Variants in CCNI observed in about 807,000 individuals in gnomAD.
CCNI encodes cyclin I, also known as cyclin-I.
A neutral mutation model predicts 34.1 loss-of-function variants in CCNI; 14 were observed. That is an observed-to-expected ratio of 0.41 (90% confidence interval 0.27 to 0.64). The LOEUF (loss-of-function observed/expected upper bound fraction) is 0.64, where lower values mean the gene tolerates loss of function less well. CCNI is among the 30% of genes least tolerant of loss of function. The pLI, the probability that CCNI is intolerant of heterozygous loss-of-function variation, is 0.31. For synonymous variants in CCNI, 154 were observed against 158.4 expected (o/e 0.97, Z 0.21); for missense variants, 385 against 440.5 (o/e 0.87, Z 1.13).
At chr4:77,069,775 A>C (rs1729324854) in intron 1 of CCNI, among the ~76,000 whole-genome samples, 1 of 150,946 alleles carries the variant, frequency 6.6e-6, no homozygotes, top group South Asian at 2.1e-4. Flanking sequence ...CTCTACCCCC[A>C]CCTGTACCAA....
chr4:77,057,593 C>G (rs534922482), intron 3 of CCNI, among the ~76,000 whole-genome samples: 2 of 152,280 alleles, frequency 1.3e-5, no homozygotes, highest in East Asian at 3.9e-4. Context: ...CTTTTTCATG[C>G]CTTGCCATTA....
rs1727539947 is a variant in CCNI, at chr4:77,047,965, CAA to C, written c.*252_*253del. ...GAAAAAAAGTGCAACTGACATACTA[CAA>C]AGAGATTTTTTAAGTTTAAAAAAAG... On this transcript the variant is annotated 3_prime_UTR_variant, in exon 7 of 7. Coordinates refer to ENST00000237654, the MANE Select transcript of CCNI (RefSeq NM_006835.3). 3.0e-6 allele frequency: 1 copy of C among 336,262 alleles called. No homozygotes were observed. Among genetic ancestry groups the C allele is most frequent in the African/African-American group, 2.1e-5 (1 of 46,960 alleles). The allele number at this position is 336,262 out of a possible 1,614,324, so 20.8% of individuals were successfully genotyped here.
At chr4:77,057,039 AAAT>A (rs1454847103) in intron 3 of CCNI, among the ~76,000 whole-genome samples, 2 of 152,358 alleles carry the variant, frequency 1.3e-5, no homozygotes, top group African/African-American at 2.4e-5. Flanking sequence ...AGTTTTTAAT[AAAT>A]AATATTCCCA....
Position 77,066,678 on chromosome 4 carries a change from A to C in CCNI, c.-43-273T>G, listed in dbSNP as rs554533150. 3.0e-4 allele frequency among the ~76,000 whole-genome samples: 46 copies of C among 152,356 alleles called. No individual in the cohort carries two copies. In the South Asian group the frequency reaches 7.9e-3, roughly 26 times the overall value. On this transcript the variant is annotated intron_variant, in intron 1 of 6. Transcript: ENST00000237654. ...GATCAAAACATGTTATTACTGTTTC[A>C]AATTGTCAAAACTTTGTCACTGGCT...
chr4:77,054,788 T>G lies in CCNI; in HGVS notation c.690+362A>C, dbSNP rs551985337. On this transcript the variant is annotated intron_variant, in intron 6 of 6. Transcript: ENST00000237654. The stretch of plus-strand genomic sequence containing the variant: ...AAAAGCAACTTATTCTAATTTTTGT[T>G]CCTGACATCCGTTATAAAATGAGTG... 6.2e-4 allele frequency among the ~76,000 whole-genome samples: 94 copies of G among 152,298 alleles called. 2 individuals carry two copies. Among genetic ancestry groups the G allele is most frequent in the Middle Eastern group, 3.4e-3 (1 of 294 alleles).
rs1354833136 is a variant in CCNI, at chr4:77,055,175, G to A, written c.665C>T (p.Thr222Ile). ...EKLIPDWLSLTIELLQKAQMD... is the reference protein window; with the variant it reads ...EKLIPDWLSLIIELLQKAQMD... ...CTGTGCTTTCTGAAGCAGTTCAATTGTAAGAGAAAGCCAATCAGGAATGAG... is the reference window on the plus strand; with the variant it reads ...CTGTGCTTTCTGAAGCAGTTCAATTATAAGAGAAAGCCAATCAGGAATGAG... Residue 222 changes from threonine to isoleucine, a missense_variant, in exon 6 of 7, where the codon ACA becomes ATA. By Grantham distance (89) the Thr-to-Ile change is moderately conservative. This residue lies in a region of CCNI where 250 missense variants were observed against 248.7 expected (regional missense o/e 1.01). Coordinates refer to ENST00000237654, the MANE Select transcript of CCNI (RefSeq NM_006835.3). 1 of 1,613,050 alleles carries A rather than the reference G, an allele frequency of 6.2e-7. No homozygotes were observed. Among genetic ancestry groups the A allele is most frequent in the Non-Finnish European group, 8.5e-7 (1 of 1,179,008 alleles).
intron 2 of CCNI, among the ~76,000 whole-genome samples, chr4:77,059,918 C>G (rs1247469642): frequency 6.6e-6 from 1 of 152,084 alleles, no homozygotes; most frequent in Non-Finnish European, 1.5e-5. Flanking sequence ...GTAATGTTAA[C>G]TAAGCCAGCC....
chr4:77,066,222 C>A, intron 2 of CCNI, 27 bp downstream of exon 2: 2 of 1,590,314 alleles, frequency 1.3e-6, no homozygotes, highest in Non-Finnish European at 1.7e-6. Context: ...TAATAAAATT[C>A]ATCTGTCTTA....
intron 1 of CCNI, among the ~76,000 whole-genome samples, chr4:77,072,654 A>AG (rs916540747): frequency 3.0e-5 from 4 of 134,798 alleles, no homozygotes; most frequent in African/African-American, 7.6e-5. Context: ...AAAAAAAAAA[A>AG]AAAAAAAGAA....
At chr4:77,065,827 T>C (rs919206671) in intron 2 of CCNI, among the ~76,000 whole-genome samples, 1 of 152,204 alleles carries the variant, frequency 6.6e-6, no homozygotes, top group Non-Finnish European at 1.5e-5. Flanking sequence ...AGGCCGGGCA[T>C]GGTGGCTCAC....
chr4:77,056,737 C>G (rs529356379), intron 3 of CCNI, among the ~76,000 whole-genome samples: 1 of 151,812 alleles, frequency 6.6e-6, no homozygotes, highest in Non-Finnish European at 1.5e-5. Context: ...CTACAACGCC[C>G]GCCACCACGC....
In CCNI at chr4:77,061,116, AAT is replaced by A. The variant is rs376263493; in HGVS notation, c.115-2483_115-2482del. Among the ~76,000 whole-genome samples the A allele has an allele frequency of 3.2e-4, 48 of 152,314 alleles. 1 individual carries two copies. The East Asian group carries it at 6.9e-3, about 22-fold the overall frequency. On this transcript the variant is annotated intron_variant, in intron 2 of 6. Transcript: ENST00000237654. ...CCAAGAAAAGCATTCCTGCATAGCC[AAT>A]GTTATCATCACTAGCCAAAACCAGC...
Position 77,058,503 on chromosome 4 carries a change from T to C in CCNI, c.243+4A>G, listed in dbSNP as rs1196364536. 1.2e-6 allele frequency: 2 copies of C among 1,610,812 alleles called. No individual in the cohort carries two copies. The highest frequency in any genetic ancestry group is 3.4e-5 in the Admixed American group (2 of 59,536). ...TATATGTAAGTCTATCTTAAAACAC[T>C]TACCTTTACGGTAGCTAAAAACCTA... On this transcript the variant is annotated splice_donor_region_variant and intron_variant, in intron 3 of 6. Transcript: ENST00000237654.
intron 6 of CCNI, among the ~76,000 whole-genome samples, chr4:77,050,582 T>G (rs1578231261): frequency 2.6e-5 from 4 of 151,166 alleles, no homozygotes; most frequent in Admixed American, 2.6e-4. Context: ...GTTCACTGAT[T>G]TTTTTCCCCT....
In CCNI at chr4:77,058,553, A is replaced by T. The variant is rs367676256; in HGVS notation, c.197T>A (p.Phe66Tyr). 6.2e-7 allele frequency: 1 copy of T among 1,613,714 alleles called. No individual in the cohort carries two copies. The highest frequency in any genetic ancestry group is 8.5e-7 in the Non-Finnish European group (1 of 1,179,776). ...KYQFNLYPET[F>Y]ALASSLLDRF... ...ATCCAAAAGACTGCTAGCCAGAGCA[A>T]ATGTTTCTGGGTAAAGGTTGAATTG... Residue 66 changes from phenylalanine (F) to tyrosine (Y), a missense_variant, in exon 3 of 7, where the codon TTT becomes TAT. Around this residue, in one of 2 missense-constraint regions of CCNI, gnomAD observed 135 missense variants for 191.8 expected, o/e 0.70. Coordinates refer to ENST00000237654, the MANE Select transcript of CCNI (RefSeq NM_006835.3).
Position 77,058,363 on chromosome 4 carries a change from C to A in CCNI, c.243+144G>T, listed in dbSNP as rs1389957815. 3 of 517,772 alleles carry A rather than the reference C, an allele frequency of 5.8e-6. No homozygotes were observed. In the African/African-American group the frequency reaches 6.0e-5, roughly 10 times the overall value. 32.1% of individuals were successfully genotyped at this position (517,772 alleles called of 1,614,324 possible). A position where few individuals can be genotyped will look rare whatever the true frequency, so the allele number is the denominator to read the frequency against. On this transcript the variant is annotated intron_variant, in intron 3 of 6. Coordinates refer to ENST00000237654, the MANE Select transcript of CCNI (RefSeq NM_006835.3). The stretch of plus-strand genomic sequence containing the variant: ...AAATAAACAATAGCAGAAGACATCA[C>A]CATGTCTTCTTATGGGTACATACAT...
rs1560772217 is a variant in CCNI at position 77,055,175 on chromosome 4, G to GT, written c.664dup (p.Thr222AsnfsTer3). 1 of 1,613,050 alleles carries GT rather than the reference G, an allele frequency of 6.2e-7. No homozygotes were observed. Among genetic ancestry groups the GT allele is most frequent in the East Asian group, 2.2e-5 (1 of 44,862 alleles). The stretch of plus-strand genomic sequence containing the variant: ...CTGTGCTTTCTGAAGCAGTTCAATT[G>GT]TAAGAGAAAGCCAATCAGGAATGAG... On this transcript the variant is annotated frameshift_variant, in exon 6 of 7. Transcript: ENST00000237654. LOFTEE classifies it high-confidence loss of function.
rs1445589245 is a variant in CCNI at position 77,075,871 on chromosome 4, G to T, written c.-443C>A. The T allele has an allele frequency of 6.6e-6, 1 of 150,456 alleles. No homozygotes were observed. The highest frequency in any genetic ancestry group is 1.5e-5 in the Non-Finnish European group (1 of 67,598). The allele number at this position is 150,456 out of a possible 1,614,324, so 9.3% of individuals were successfully genotyped here. ...GCGCCTCCGAGGGGAAATGGTGAAA[G>T]GGGGGGAGGGGAGAAAAGAAAAGAA... On this transcript the variant is annotated 5_prime_UTR_variant, in exon 1 of 7. Coordinates refer to ENST00000237654, the MANE Select transcript of CCNI (RefSeq NM_006835.3).
rs766767433 is a variant in CCNI at position 77,056,064 on chromosome 4, G to C, written c.357C>G (p.Phe119Leu). 2 of 1,613,774 alleles carry C rather than the reference G, an allele frequency of 1.2e-6. No homozygotes were observed. The highest frequency in any genetic ancestry group is 1.1e-5 in the South Asian group (1 of 91,066). The change falls in exon 5 of 7, where the codon TTC becomes TTG. Residue 119 changes from phenylalanine to leucine, a missense_variant. Phe to Leu is a conservative substitution (Grantham distance 22). This residue lies in a region of CCNI where 135 missense variants were observed against 191.8 expected (regional missense o/e 0.70). Transcript: ENST00000237654. The part of the protein sequence containing the change: ...PVLKVLARDS[F>L]CGCSSSEILR... Reference sequence around the variant, plus strand: ...AAATTTCAGATGAGGAACATCCACAGAAACTGTCTCTTGCCAATACCTTTA... The same window carrying C: ...AAATTTCAGATGAGGAACATCCACACAAACTGTCTCTTGCCAATACCTTTA...
Sources: allele counts gnomAD v4.1 joint callset (sites outside exome capture counted in the v4.1 genomes callset), GRCh38; gene constraint gnomAD v4.1.1; regional missense constraint gnomAD v4.1.1; transcripts MANE v1.5; gene names NCBI Gene and HGNC (gene_info 2026-07-23, HGNC 2026-07-21).